PARP1: variants seen among roughly 807,000 people sequenced by gnomAD.
The protein encoded by PARP1 is poly [ADP-ribose] polymerase 1.
In PARP1, 44 loss-of-function variants were observed where a neutral mutation model predicts 118.7. That is an observed-to-expected ratio of 0.37 (90% CI 0.29 to 0.48). The LOEUF is 0.48. Among genes scored for constraint, PARP1 ranks in the 20% least tolerant of loss-of-function variants. The pLI is 0.99. For missense variants in PARP1, 1,100 were observed against 1,272.4 expected (o/e 0.86, Z 2.06); for synonymous variants, 492 against 483.2 (o/e 1.02, Z -0.24).
Position 226,392,009 on chromosome 1 carries a change from A to C in PARP1, c.402+190T>G, listed in dbSNP as rs568795429. ...ATACATACATGAGAACTGGACCGTG[A>C]TAAGGAGGACCAGACCTGTCTGGAA... On this transcript the variant is annotated intron_variant, in intron 3 of 22. Coordinates refer to ENST00000366794, the MANE Select transcript of PARP1 (RefSeq NM_001618.4). Among the ~76,000 whole-genome samples, 14 of 152,342 alleles carry C rather than the reference A, an allele frequency of 9.2e-5. No homozygotes were observed. The South Asian group carries it at 2.7e-3, about 29-fold the overall frequency.
rs150258621 is a variant in PARP1, at chr1:226,406,417, G to C, written c.120+1393C>G. Among the ~76,000 whole-genome samples the C allele has an allele frequency of 1.9e-3, 291 of 152,228 alleles. 2 individuals are homozygous for C. The highest frequency in any genetic ancestry group is 6.6e-3 in the African/African-American group (276 of 41,534). On this transcript the variant is annotated intron_variant, in intron 1 of 22. Transcript: ENST00000366794. Reference sequence around the variant, plus strand: ...AAAGTAAGTTCTAGGTTCCTTAGTGGGCAACAAGGCTCTTCAAATTGTAGG... The same window carrying C: ...AAAGTAAGTTCTAGGTTCCTTAGTGCGCAACAAGGCTCTTCAAATTGTAGG...
At chr1:226,400,437 C>T (rs562746022) in intron 2 of PARP1, among the ~76,000 whole-genome samples, 4 of 152,352 alleles carry the variant, frequency 2.6e-5, no homozygotes, top group East Asian at 1.9e-4. Context: ...ATAGAGTAAA[C>T]ATTTAGATGT....
intron 13 of PARP1, among the ~76,000 whole-genome samples, chr1:226,375,952 G>A (rs376669937): frequency 8.5e-5 from 13 of 152,168 alleles, no homozygotes; most frequent in East Asian, 3.9e-4. Flanking sequence ...GGTTAATTCC[G>A]GGCAATCTTA....
At chr1:226,386,275 C>T (rs573931255) in intron 6 of PARP1, 51 bp downstream of exon 6, 36 of 1,093,178 alleles carry the variant, frequency 3.3e-5, no homozygotes, top group African/African-American at 2.1e-4. Flanking sequence ...CACTCCACAA[C>T]GACGGGGTCG....
At chr1:226,377,084 A>G in intron 13 of PARP1, 24 bp downstream of exon 13, 3 of 1,593,912 alleles carry the variant, frequency 1.9e-6, no homozygotes, top group Non-Finnish European at 2.6e-6. Flanking sequence ...AGAAGCAGAC[A>G]GTGTAAGGGC....
intron 2 of PARP1, among the ~76,000 whole-genome samples, chr1:226,394,185 A>T (rs1348893484): frequency 6.6e-6 from 1 of 152,170 alleles, no homozygotes; most frequent in East Asian, 1.9e-4. Context: ...CCTCCATTTA[A>T]GGAAGAAACA....
intron 1 of PARP1, among the ~76,000 whole-genome samples, chr1:226,405,303 T>G (rs985478185): frequency 6.6e-6 from 1 of 151,774 alleles, no homozygotes; most frequent in South Asian, 2.1e-4. Context: ...ATTACTATTT[T>G]TTTTTTCAGA....
intron 7 of PARP1, among the ~76,000 whole-genome samples, chr1:226,384,329 G>A (rs1367353410): frequency 2.0e-5 from 3 of 152,274 alleles, no homozygotes; most frequent in East Asian, 3.8e-4. Context: ...CAGCAAAGCC[G>A]CATCACAGAG....
In PARP1 at chr1:226,377,109, T is replaced by C; in HGVS notation, c.1940A>G (p.Gln647Arg). Residue 647 changes from glutamine (Q) to arginine (R), a missense_variant and splice_region_variant, in exon 13 of 23, where the codon CAG (glutamine) becomes CGG (arginine). Gln to Arg is a conservative substitution (Grantham distance 43). This residue lies in a region of PARP1 where 948 missense variants were observed against 1,031.8 expected (regional missense o/e 0.92). Coordinates refer to ENST00000366794, the MANE Select transcript of PARP1 (RefSeq NM_001618.4). ...AGTGTAAGGGCATTATGTGGTTACC[T>C]GGCCATAGTCAATCTCCAGGGGGTA... ...KFYPLEIDYGQDEEAVKKLTV... is the reference protein window; with the variant it reads ...KFYPLEIDYGRDEEAVKKLTV... The C allele has an allele frequency of 6.2e-7, 1 of 1,613,270 alleles. No homozygotes were observed. Among genetic ancestry groups the C allele is most frequent in the East Asian group, 2.2e-5 (1 of 44,884 alleles).
chr1:226,398,414 G>A (rs1488710202), intron 2 of PARP1, among the ~76,000 whole-genome samples: 10 of 151,788 alleles, frequency 6.6e-5, no homozygotes, highest in Admixed American at 2.6e-4. Context: ...ATGGTGGTGC[G>A]CACCTGTAGT....
chr1:226,401,873 G>A lies in PARP1; in HGVS notation c.286+341C>T, dbSNP rs997933566. ...AACAAATGTACTACTCTGGTGGGAG[G>A]TGTTGACAAGGAAGAGCCTGTGTGG... On this transcript the variant is annotated intron_variant, in intron 2 of 22. Transcript: ENST00000366794. 3.7e-5 allele frequency: 32 copies of A among 854,982 alleles called. 1 individual carries two copies. The African/African-American group carries it at 5.1e-4, about 14-fold the overall frequency. 53.0% of individuals were successfully genotyped at this position (854,982 alleles called of 1,614,324 possible). A position where few individuals can be genotyped will look rare whatever the true frequency, so the allele number is the denominator to read the frequency against.
intron 1 of PARP1, among the ~76,000 whole-genome samples, chr1:226,405,999 A>T (rs1665138974): frequency 6.6e-6 from 1 of 152,202 alleles, no homozygotes; most frequent in Non-Finnish European, 1.5e-5. Context: ...TGAGATAATT[A>T]TCAAAACATT....
intron 2 of PARP1, 105 bp downstream of exon 2, chr1:226,402,109 G>A (rs550928511): frequency 6.2e-7 from 1 of 1,603,280 alleles, no homozygotes; most frequent in South Asian, 1.1e-5. Context: ...TGCACATGTG[G>A]GAGAGGGCAA....
chr1:226,372,080 C>T (rs1200761893), intron 14 of PARP1, among the ~76,000 whole-genome samples: 1 of 152,232 alleles, frequency 6.6e-6, no homozygotes, highest in African/African-American at 2.4e-5. Flanking sequence ...CAGCCTGGAA[C>T]CCTGCCCCCT....
intron 4 of PARP1, among the ~76,000 whole-genome samples, chr1:226,390,008 T>C (rs576801650): frequency 6.6e-6 from 1 of 152,286 alleles, no homozygotes; most frequent in Non-Finnish European, 1.5e-5. Context: ...TAACTAAAAA[T>C]GGTCACCATT....
chr1:226,388,552 A>G, intron 5 of PARP1, 104 bp downstream of exon 5: 1 of 815,116 alleles, frequency 1.2e-6, no homozygotes, highest in Non-Finnish European at 2.2e-6. Context: ...AATTTGCTAA[A>G]GGTCTTAATA....
Position 226,361,126 on chromosome 1 carries a change from A to G in PARP1, c.*334T>C. 1 of 377,500 alleles carries G rather than the reference A, an allele frequency of 2.6e-6. No homozygotes were observed. The highest frequency in any genetic ancestry group is 4.2e-5 in the Admixed American group (1 of 23,880). 23.4% of individuals were successfully genotyped at this position (377,500 alleles called of 1,614,324 possible). On this transcript the variant is annotated 3_prime_UTR_variant, in exon 23 of 23. Transcript: ENST00000366794. ...GTATTTTTCCTTCCCTGGGGAAACC[A>G]GTAAGGCAGACATTCTAACGAAGCT...
In PARP1 at chr1:226,366,439, A is replaced by G. The variant is rs1032551597; in HGVS notation, c.2407-387T>C. On this transcript the variant is annotated intron_variant, in intron 17 of 22. Transcript: ENST00000366794. The stretch of plus-strand genomic sequence containing the variant: ...AAAACACAATGGGCCAGAGGAAGTC[A>G]CAGCTATGATGTGCAATGAAAATTA... 3 of 289,294 alleles carry G rather than the reference A, an allele frequency of 1.0e-5. No homozygotes were observed. In the East Asian group the frequency reaches 2.5e-4, roughly 24 times the overall value. The allele number at this position is 289,294 out of a possible 1,614,324, so 17.9% of individuals were successfully genotyped here.
chr1:226,388,815 A>C, intron 4 of PARP1, 60 bp from the exon 5 acceptor site: 1 of 1,245,000 alleles, frequency 8.0e-7, no homozygotes, highest in Non-Finnish European at 1.2e-6. Context: ...ACACCCAATG[A>C]CTTGCGGTGA....
Sources: gnomAD v4.1 joint callset for allele counts (sites outside exome capture counted in the v4.1 genomes callset) on GRCh38, gnomAD v4.1.1 for gene constraint, gnomAD v4.1.1 regional missense constraint, MANE v1.5 for transcripts, NCBI Gene and HGNC (gene_info 2026-07-23, HGNC 2026-07-21) for gene names.